GCNT2: variants seen among roughly 807,000 people sequenced by gnomAD.
The protein encoded by GCNT2 is N-acetyllactosaminide beta-1,6-N-acetylglucosaminyl-transferase.
In GCNT2, 34 loss-of-function variants were observed where a neutral mutation model predicts 34.2. The ratio of observed to expected loss-of-function variants is 1.00; its 90% CI spans 0.76 to 1.32. The LOEUF (loss-of-function observed/expected upper bound fraction) is 1.32, where lower values mean the gene tolerates loss of function less well. GCNT2 is among the 40% of genes most tolerant of loss of function. The pLI is 0.00. For synonymous variants in GCNT2, 212 were observed against 188.0 expected, an observed-to-expected ratio of 1.13 and a Z score of -1.04; for missense variants, 584 against 489.4, an observed-to-expected ratio of 1.19 and a Z score of -1.82.
intron 3 of GCNT2, among the ~76,000 whole-genome samples, chr6:10,611,207 G>A (rs1207126063): frequency 6.7e-6 from 1 of 150,278 alleles, no homozygotes; most frequent in Non-Finnish European, 1.5e-5. Flanking sequence ...CATAGTGAGA[G>A]GAGAGCCATG....
At chr6:10,525,792 A>C (rs1012166461) in intron 1 of GCNT2, among the ~76,000 whole-genome samples, 2 of 152,198 alleles carry the variant, frequency 1.3e-5, no homozygotes, top group Non-Finnish European at 2.9e-5. Context: ...CAGAGCACAA[A>C]ATACAAGTGT....
intron 3 of GCNT2, chr6:10,575,014 A>T: frequency 1.5e-6 from 1 of 677,238 alleles, no homozygotes; most frequent in South Asian, 1.4e-5. Flanking sequence ...AACAATGCCA[A>T]CGGCATGCTG....
intron 3 of GCNT2, among the ~76,000 whole-genome samples, chr6:10,617,898 G>C (rs1765862538): frequency 6.6e-6 from 1 of 151,894 alleles, no homozygotes; most frequent in African/African-American, 2.4e-5. Context: ...GAGACTACAG[G>C]TGCGTGCCAT....
At chr6:10,546,649 A>T (rs965690849) in intron 3 of GCNT2, among the ~76,000 whole-genome samples, 11 of 151,946 alleles carry the variant, frequency 7.2e-5, no homozygotes, top group South Asian at 2.1e-4. Flanking sequence ...ACAGGGTGAG[A>T]CTCCGTTTAA....
chr6:10,592,284 G>T (rs1764684287), intron 3 of GCNT2, among the ~76,000 whole-genome samples: 1 of 152,180 alleles, frequency 6.6e-6, no homozygotes, highest in Non-Finnish European at 1.5e-5. Context: ...ATAGCCAGAT[G>T]ATATTAAGTA....
chr6:10,524,733 G>A (rs1172979552), intron 1 of GCNT2, among the ~76,000 whole-genome samples: 2 of 152,038 alleles, frequency 1.3e-5, no homozygotes, highest in Non-Finnish European at 2.9e-5. Flanking sequence ...GGAGGCTGAG[G>A]CAGGAGAATC....
At position 10,589,188 on chromosome 6, in the gene GCNT2, C is replaced by A. The variant is rs35959377; in HGVS notation, c.926-32163C>A. ...TGGTGTGTGTGTGGTGTATGTGCGT[C>A]ATGTGTGTATGGTGTGTGTGGTGTG... On this transcript the variant is annotated intron_variant, in intron 3 of 4. Coordinates refer to ENST00000495262, the MANE Select transcript of GCNT2 (RefSeq NM_145649.5). Among the ~76,000 whole-genome samples, 9 of 141,292 alleles carry A rather than the reference C, an allele frequency of 6.4e-5. 1 individual carries two copies. Among genetic ancestry groups the A allele is most frequent in the Middle Eastern group, 8.7e-3 (2 of 230 alleles). 92.7% of individuals were successfully genotyped at this position (141,292 alleles called of 152,430 possible).
At chr6:10,588,742 T>G (rs1764460001) in intron 3 of GCNT2, among the ~76,000 whole-genome samples, 1 of 150,768 alleles carries the variant, frequency 6.6e-6, no homozygotes, top group South Asian at 2.1e-4. Context: ...TGTCCCAATA[T>G]GCTTGTGTGG....
At chr6:10,530,662 G>C (rs562237952) in intron 3 of GCNT2, among the ~76,000 whole-genome samples, 9 of 152,184 alleles carry the variant, frequency 5.9e-5, no homozygotes, top group African/African-American at 1.9e-4. Flanking sequence ...CTTGAAGCCA[G>C]GAGTTTGAGA....
At chr6:10,541,241 C>G (rs1454397617) in intron 3 of GCNT2, among the ~76,000 whole-genome samples, 2 of 152,160 alleles carry the variant, frequency 1.3e-5, no homozygotes, top group African/African-American at 4.8e-5. Context: ...CAATCAGCTC[C>G]CACGTATGAG....
intron 3 of GCNT2, chr6:10,581,973 TAC>T (rs1310879465): frequency 1.8e-5 from 6 of 330,890 alleles, no homozygotes; most frequent in Non-Finnish European, 2.6e-5. Flanking sequence ...TATATATATA[TAC>T]ACACACTTAT....
intron 1 of GCNT2, among the ~76,000 whole-genome samples, chr6:10,526,695 AC>A (rs928574733): frequency 6.6e-6 from 1 of 152,128 alleles, no homozygotes; most frequent in African/African-American, 2.4e-5. Context: ...GAGCCACTGC[AC>A]CCAGCCTCCC....
At chr6:10,574,728 ATTTT>A (rs55677533) in intron 3 of GCNT2, 4 of 501,870 alleles carry the variant, frequency 8.0e-6, no homozygotes, top group South Asian at 5.5e-5. Context: ...GAGGTCTTTT[ATTTT>A]TTTTTAACAC....
intron 4 of GCNT2, among the ~76,000 whole-genome samples, chr6:10,625,145 C>G (rs1227761296): frequency 6.6e-6 from 1 of 152,176 alleles, no homozygotes; most frequent in Non-Finnish European, 1.5e-5. Context: ...ATCTGTCCTT[C>G]TGTACTAGTG....
intron 3 of GCNT2, chr6:10,619,648 A>T (rs1456777707): frequency 6.6e-6 from 1 of 152,198 alleles, no homozygotes; most frequent in African/African-American, 2.4e-5. Context: ...GCCACTGTAC[A>T]CAGCCCTTGA....
At chr6:10,573,362 A>G (rs201884378) in intron 3 of GCNT2, 6 of 308,386 alleles carry the variant, frequency 1.9e-5, no homozygotes, top group Non-Finnish European at 2.5e-5. Context: ...TGTTGTTGTT[A>G]TCTTTGCTTG....
chr6:10,526,757 A>C (rs1248019105), intron 1 of GCNT2, among the ~76,000 whole-genome samples: 1 of 152,174 alleles, frequency 6.6e-6, no homozygotes, highest in Non-Finnish European at 1.5e-5. Context: ...CAAGAGGTAA[A>C]TGAAAGTACA....
intron 3 of GCNT2, among the ~76,000 whole-genome samples, chr6:10,590,706 A>G (rs1406449945): frequency 1.3e-5 from 2 of 151,944 alleles, no homozygotes; most frequent in African/African-American, 2.4e-5. Context: ...GGTGCCCACC[A>G]CCAAGCCCGG....
chr6:10,606,811 C>G (rs1177409917), intron 3 of GCNT2, among the ~76,000 whole-genome samples: 1 of 151,738 alleles, frequency 6.6e-6, no homozygotes, highest in Non-Finnish European at 1.5e-5. Flanking sequence ...GATAATAGTT[C>G]AGTATATGTT....
Sources: gnomAD v4.1 joint callset for allele counts (sites outside exome capture counted in the v4.1 genomes callset) on GRCh38, gnomAD v4.1.1 for gene constraint, MANE v1.5 for transcripts, NCBI Gene and HGNC (gene_info 2026-07-23, HGNC 2026-07-21) for gene names.